LIMCH1: variants seen among roughly 807,000 people sequenced by gnomAD.
The protein encoded by LIMCH1 is LIM and calponin homology domains 1.
Under a neutral mutation model 176.5 loss-of-function variants are expected in LIMCH1, and 113 were observed. That is an observed-to-expected ratio of 0.64 (90% confidence interval 0.55 to 0.75). The LOEUF is 0.75. Ranked by LOEUF, LIMCH1 falls within the 30% of genes least tolerant of loss-of-function variation. The pLI is 0.00. For synonymous variants in LIMCH1, 619 were observed against 645.9 expected (o/e 0.96, Z 0.63); for missense variants, 1,674 against 1,814.9 (o/e 0.92, Z 1.41).
chr4:41,520,212 A>G (rs112666915), intron 2 of LIMCH1, among the ~76,000 whole-genome samples: 5 of 152,238 alleles, frequency 3.3e-5, no homozygotes, highest in Non-Finnish European at 4.4e-5. Flanking sequence ...TTTTGCTTAC[A>G]CCTTGGCCAT....
At chr4:41,547,051 A>G (rs2079537940) in intron 1 of LIMCH1, among the ~76,000 whole-genome samples, 1 of 152,190 alleles carries the variant, frequency 6.6e-6, no homozygotes, top group Non-Finnish European at 1.5e-5. Context: ...ATAATTATAT[A>G]TATTTCTGGG....
At chr4:41,634,576 C>G (rs1219519501) in intron 13 of LIMCH1, among the ~76,000 whole-genome samples, 1 of 152,168 alleles carries the variant, frequency 6.6e-6, no homozygotes, top group Non-Finnish European at 1.5e-5. Flanking sequence ...CCCTAGCCAT[C>G]TTGATCACCT....
chr4:41,649,433 A>C (rs1007223417), intron 17 of LIMCH1, among the ~76,000 whole-genome samples: 1 of 152,142 alleles, frequency 6.6e-6, no homozygotes, highest in East Asian at 1.9e-4. Flanking sequence ...AAGAGGCCTA[A>C]TGATAATAAT....
Position 41,646,537 on chromosome 4 carries a change from G to A in LIMCH1, c.2464G>A (p.Glu822Lys). 6.2e-7 allele frequency: 1 copy of A among 1,614,198 alleles called. No individual in the cohort carries two copies. The change falls in exon 17 of 32, where the codon GAG (glutamate) becomes AAG (lysine). Residue 822 changes from glutamate (E) to lysine (K), a missense_variant. Glu to Lys is a moderately conservative substitution (Grantham distance 56). Transcript: ENST00000503057. ...HEAYKNARSQ[E>K]EAEGILQQYI... Reference sequence around the variant, plus strand: ...AGCATATAAGAACGCTCGGTCCCAGGAGGAGGCAGAGGGGATCCTTCAACA... The same window carrying A: ...AGCATATAAGAACGCTCGGTCCCAGAAGGAGGCAGAGGGGATCCTTCAACA...
rs551444038 is a variant in LIMCH1, at chr4:41,626,917, A to C, written c.935A>C (p.Tyr312Ser). The stretch of plus-strand genomic sequence containing the variant: ...ATGGTGCCATTAAATCAACTCCTCT[A>C]TGGCCCTTATCCAAAGAAAGGGGCA... ...KPMVPLNQLL[Y>S]GPYPKKGAEK... is the part of the protein sequence containing the mutation. Residue 312 changes from tyrosine to serine, a missense_variant, in exon 8 of 32, where the codon TAT (tyrosine) becomes TCT (serine). Physicochemically the swap from Tyr to Ser is moderately radical, Grantham distance 144. This residue lies in a region of LIMCH1 where 655 missense variants were observed against 692.2 expected (regional missense o/e 0.95). Transcript: ENST00000503057. 3.9e-6 allele frequency: 6 copies of C among 1,536,124 alleles called. No homozygotes were observed. The East Asian group carries it at 1.5e-4, about 38-fold the overall frequency.
chr4:41,501,388 T>C (rs570293802), intron 2 of LIMCH1, among the ~76,000 whole-genome samples: 2 of 152,336 alleles, frequency 1.3e-5, no homozygotes, highest in South Asian at 4.1e-4. Flanking sequence ...AAGACATATT[T>C]CTATTTGTGA....
At chr4:41,490,700 A>G (rs1207044337) in intron 1 of LIMCH1, among the ~76,000 whole-genome samples, 2 of 152,144 alleles carry the variant, frequency 1.3e-5, no homozygotes, top group Non-Finnish European at 2.9e-5. Flanking sequence ...CACAGTAACA[A>G]TCTGATCTCT....
At chr4:41,421,509 A>G (rs1440313307) in intron 1 of LIMCH1, among the ~76,000 whole-genome samples, 1 of 152,228 alleles carries the variant, frequency 6.6e-6, no homozygotes, top group Non-Finnish European at 1.5e-5. Context: ...TCCTAGTAAT[A>G]GAATCACACA....
chr4:41,475,367 C>T (rs2067569291), intron 1 of LIMCH1, among the ~76,000 whole-genome samples: 1 of 152,124 alleles, frequency 6.6e-6, no homozygotes, highest in African/African-American at 2.4e-5. Context: ...AACTCTTAGT[C>T]CTATAATGTA....
At chr4:41,560,582 C>G (rs191560963) in intron 1 of LIMCH1, among the ~76,000 whole-genome samples, 1 of 152,230 alleles carries the variant, frequency 6.6e-6, no homozygotes, top group East Asian at 1.9e-4. Flanking sequence ...CTTTTTTGGG[C>G]TTTGGTTAAA....
At chr4:41,464,637 G>T (rs2065862001) in intron 1 of LIMCH1, among the ~76,000 whole-genome samples, 1 of 152,024 alleles carries the variant, frequency 6.6e-6, no homozygotes, top group African/African-American at 2.4e-5. Flanking sequence ...GCCTCCCAAA[G>T]TGCTGGGGTT....
intron 1 of LIMCH1, among the ~76,000 whole-genome samples, chr4:41,434,719 G>T (rs544664000): frequency 6.6e-6 from 1 of 152,292 alleles, no homozygotes; most frequent in African/African-American, 2.4e-5. Flanking sequence ...GTTTTGCTAT[G>T]TTGGCCAGGC....
At chr4:41,620,961 T>C (rs1247171879) in intron 7 of LIMCH1, among the ~76,000 whole-genome samples, 1 of 152,244 alleles carries the variant, frequency 6.6e-6, no homozygotes, top group Non-Finnish European at 1.5e-5. Context: ...TGATCAGTCA[T>C]GTGTGGGCTG....
At position 41,676,376 on chromosome 4, in the gene LIMCH1, A is replaced by C; in HGVS notation, c.3439-6A>C. ...ATTCTGATCATGGTTTCATTTTTCT[A>C]AGCAGTTTAAGTTCTGGGCATGGGA... On this transcript the variant is annotated splice_polypyrimidine_tract_variant and splice_region_variant and intron_variant, in intron 22 of 31. Transcript: ENST00000503057. 6.2e-7 allele frequency: 1 copy of C among 1,611,718 alleles called. No homozygotes were observed. The highest frequency in any genetic ancestry group is 8.5e-7 in the Non-Finnish European group (1 of 1,178,116).
intron 2 of LIMCH1, among the ~76,000 whole-genome samples, chr4:41,508,535 C>T (rs542146959): frequency 2.0e-5 from 3 of 152,016 alleles, no homozygotes; most frequent in East Asian, 1.9e-4. Context: ...GAGCCATTGT[C>T]GGACATCAGG....
chr4:41,416,517 G>A (rs1171034469), intron 1 of LIMCH1, among the ~76,000 whole-genome samples: 1 of 151,810 alleles, frequency 6.6e-6, no homozygotes, highest in African/African-American at 2.4e-5. Context: ...AATTAGCTGG[G>A]TGTGGTAGCG....
At chr4:41,402,583 A>C (rs6447063) in intron 1 of LIMCH1, among the ~76,000 whole-genome samples, 38,109 of 117,528 alleles carry the variant, frequency 0.32, 7,933 homozygotes, top group African/African-American at 0.65. Context: ...ACCCAAATGT[A>C]CAACAATGAT....
intron 1 of LIMCH1, among the ~76,000 whole-genome samples, chr4:41,376,777 G>A (rs1018127857): frequency 2.6e-5 from 4 of 152,050 alleles, no homozygotes; most frequent in South Asian, 2.1e-4. Context: ...AATTTCTTAC[G>A]TTTTCGTTCA....
At chr4:41,456,273 C>T (rs992401457) in intron 1 of LIMCH1, among the ~76,000 whole-genome samples, 1 of 152,102 alleles carries the variant, frequency 6.6e-6, no homozygotes, top group African/African-American at 2.4e-5. Context: ...TGTTTTTGGC[C>T]TCACCCTGGA....
Sources: gnomAD v4.1 joint callset for allele counts (sites outside exome capture counted in the v4.1 genomes callset) on GRCh38, gnomAD v4.1.1 for gene constraint, gnomAD v4.1.1 regional missense constraint, MANE v1.5 for transcripts, NCBI Gene and HGNC (gene_info 2026-07-23, HGNC 2026-07-21) for gene names.